The following SYNPR variants were observed in gnomAD, a reference collection of about 807,000 sequenced individuals.
SYNPR encodes the protein synaptoporin.
SYNPR carries 23 observed loss-of-function variants against 32.9 expected under a neutral mutation model. The observed-to-expected ratio is 0.70, with a 90% CI of 0.50 to 0.99. The LOEUF (loss-of-function observed/expected upper bound fraction) is 0.99, where lower values mean the gene tolerates loss of function less well. SYNPR is among the 50% of genes least tolerant of loss of function. The pLI is 0.00. For synonymous variants in SYNPR, 146 were observed against 135.9 expected, an observed-to-expected ratio of 1.07 and a Z score of -0.52; for missense variants, 318 against 349.3, an observed-to-expected ratio of 0.91 and a Z score of 0.71.
chr3:63,592,726 A>G lies in SYNPR; in HGVS notation c.409-16399A>G, dbSNP rs1575727644. Among the ~76,000 whole-genome samples, 3 of 151,998 alleles carry G rather than the reference A, an allele frequency of 2.0e-5. No homozygotes were observed. The South Asian group carries it at 6.2e-4, about 32-fold the overall frequency. On this transcript the variant is annotated intron_variant, in intron 4 of 5. Coordinates refer to ENST00000478300, the MANE Select transcript of SYNPR (RefSeq NM_001130003.2). ...AATAAATAAATAAATAAATGAGTAA[A>G]CCCACCTAATGTATTTGGCCATCAA...
chr3:63,372,965 C>A (rs1020971076), intron 2 of SYNPR, among the ~76,000 whole-genome samples: 1 of 152,146 alleles, frequency 6.6e-6, no homozygotes, highest in African/African-American at 2.4e-5. Flanking sequence ...AACTTCAACA[C>A]CAAAAATCCT....
intron 2 of SYNPR, among the ~76,000 whole-genome samples, chr3:63,462,109 C>T (rs983620248): frequency 1.3e-5 from 2 of 152,024 alleles, no homozygotes; most frequent in South Asian, 4.2e-4. Flanking sequence ...CTGTCAAGTT[C>T]TTGCCCTTCA....
At chr3:63,373,771 A>C (rs2087849165) in intron 2 of SYNPR, among the ~76,000 whole-genome samples, 1 of 152,150 alleles carries the variant, frequency 6.6e-6, no homozygotes, top group Non-Finnish European at 1.5e-5. Context: ...CAAGACACAT[A>C]ATCATCAGAT....
At chr3:63,560,705 C>T (rs1006939862) in intron 4 of SYNPR, among the ~76,000 whole-genome samples, 1 of 152,122 alleles carries the variant, frequency 6.6e-6, no homozygotes, top group Non-Finnish European at 1.5e-5. Flanking sequence ...CTTCATAGGG[C>T]AGACAAAGAG....
chr3:63,208,948 G>A, the SYNPR span, among the ~76,000 whole-genome samples: 1 of 151,844 alleles, frequency 6.6e-6, no homozygotes, highest in African/African-American at 2.4e-5. Flanking sequence ...GTTTTTTAAG[G>A]TGACACTTTT....
chr3:63,398,582 G>A (rs1287424005), intron 2 of SYNPR, among the ~76,000 whole-genome samples: 2 of 152,094 alleles, frequency 1.3e-5, no homozygotes, highest in South Asian at 2.1e-4. Flanking sequence ...GCCGGGCACA[G>A]TGGTGGGCAC....
chr3:63,558,896 A>T (rs1425292238), intron 4 of SYNPR, among the ~76,000 whole-genome samples: 1 of 152,014 alleles, frequency 6.6e-6, no homozygotes, highest in Non-Finnish European at 1.5e-5. Context: ...TGAGGGAAGT[A>T]TAATAAAAAT....
chr3:63,437,437 G>C (rs1700104210), intron 2 of SYNPR, among the ~76,000 whole-genome samples: 2 of 152,130 alleles, frequency 1.3e-5, no homozygotes, highest in Admixed American at 1.3e-4. Flanking sequence ...TGTTAGTCGG[G>C]TTTCAGGCAG....
intron 2 of SYNPR, among the ~76,000 whole-genome samples, chr3:63,303,590 A>G (rs1337722560): frequency 6.6e-6 from 1 of 152,050 alleles, no homozygotes; most frequent in African/African-American, 2.4e-5. Context: ...TTAACCTGTA[A>G]TCAAGTTACT....
chr3:63,244,248 T>C (rs141085670), intron 1 of SYNPR, among the ~76,000 whole-genome samples: 2 of 151,958 alleles, frequency 1.3e-5, no homozygotes, highest in African/African-American at 4.8e-5. Flanking sequence ...CTAATATGGA[T>C]TGAGGTGGGG....
intron 3 of SYNPR, among the ~76,000 whole-genome samples, chr3:63,502,187 G>T (rs940087609): frequency 6.6e-6 from 1 of 151,920 alleles, no homozygotes; most frequent in South Asian, 2.1e-4. Context: ...TTAGTGGCTT[G>T]CATTCTAGTT....
chr3:63,583,314 T>G (rs1364157353), intron 4 of SYNPR, among the ~76,000 whole-genome samples: 1 of 152,108 alleles, frequency 6.6e-6, no homozygotes, highest in Non-Finnish European at 1.5e-5. Flanking sequence ...CTGTAGGCCA[T>G]GTGGACATAT....
At chr3:63,304,680 AT>A (rs932809037) in intron 2 of SYNPR, among the ~76,000 whole-genome samples, 5 of 151,810 alleles carry the variant, frequency 3.3e-5, no homozygotes, top group African/African-American at 4.8e-5. Flanking sequence ...GTACCATAAT[AT>A]TTTTTTTAAG....
chr3:63,261,700 A>C (rs2106900693), intron 2 of SYNPR, among the ~76,000 whole-genome samples: 1 of 129,746 alleles, frequency 7.7e-6, no homozygotes, highest in Admixed American at 8.2e-5. Context: ...TATGTACCCT[A>C]AAACTTAAAG....
At chr3:63,458,725 A>C (rs1014475000) in intron 2 of SYNPR, among the ~76,000 whole-genome samples, 14 of 152,170 alleles carry the variant, frequency 9.2e-5, no homozygotes, top group African/African-American at 3.4e-4. Context: ...TCTGTCTAGC[A>C]CTCAGTCATC....
intron 3 of SYNPR, 91 bp downstream of exon 3, chr3:63,481,047 A>G (rs1701037345): frequency 6.7e-7 from 1 of 1,495,740 alleles, no homozygotes; most frequent in Non-Finnish European, 8.9e-7. Flanking sequence ...TCTTCCAGGG[A>G]CTTCTGGGTA....
the SYNPR span, among the ~76,000 whole-genome samples, chr3:63,209,763 C>A: frequency 1.3e-5 from 2 of 152,170 alleles, no homozygotes; most frequent in African/African-American, 4.8e-5. Flanking sequence ...AACTTACACA[C>A]GCTCATAGCA....
At chr3:63,257,215 G>C (rs187140834) in intron 2 of SYNPR, among the ~76,000 whole-genome samples, 2 of 152,056 alleles carry the variant, frequency 1.3e-5, no homozygotes, top group Non-Finnish European at 2.9e-5. Context: ...GAAATATAGA[G>C]AATGCCACAA....
At chr3:63,347,875 TTGTGTGTGTGTGTGTGTG>T (rs10597535) in intron 2 of SYNPR, among the ~76,000 whole-genome samples, 180 of 144,494 alleles carry the variant, frequency 1.2e-3, no homozygotes, top group African/African-American at 4.0e-3. Context: ...TAGTATTCCA[TTGTGTGTGTGTGTGTGTG>T]TGTGTGTGTG....
Sources: gnomAD v4.1 joint callset for allele counts (sites outside exome capture counted in the v4.1 genomes callset) on GRCh38, gnomAD v4.1.1 for gene constraint, MANE v1.5 for transcripts, NCBI Gene and HGNC (gene_info 2026-07-23, HGNC 2026-07-21) for gene names.